AFTPH: variants seen among roughly 807,000 people sequenced by gnomAD.
AFTPH encodes aftiphilin protein.
A neutral mutation model predicts 72.5 loss-of-function variants in AFTPH; 7 were observed. The observed-to-expected ratio is 0.10, with a 90% CI of 0.05 to 0.18. AFTPH has a LOEUF of 0.18. AFTPH is among the 10% of genes least tolerant of loss of function. The probability of loss-of-function intolerance (pLI) is 1.00; values close to 1 mark genes in which losing one functional copy is unlikely to be tolerated. For synonymous variants in AFTPH, 337 were observed against 370.1 expected, an observed-to-expected ratio of 0.91 and a Z score of 1.03; for missense variants, 979 against 1,060.5, an observed-to-expected ratio of 0.92 and a Z score of 1.07.
At chr2:64,551,470 G>C (rs1671045042) in exon 2 of AFTPH, 1 of 1,608,690 alleles carries the variant, frequency 6.2e-7, no homozygotes, top group Non-Finnish European at 8.5e-7. Context: ...GAAAGCAACT[G>C]AACAATGGAG....
At chr2:64,526,168 T>TA (rs1316551083) in intron 1 of AFTPH, among the ~76,000 whole-genome samples, 3 of 152,238 alleles carry the variant, frequency 2.0e-5, no homozygotes, top group Non-Finnish European at 4.4e-5. Flanking sequence ...ATAGCCTTGA[T>TA]ACATCTTGCC....
At chr2:64,585,650 C>T (rs765801353) in intron 8 of AFTPH, 105 bp downstream of exon 9, 29 of 1,314,594 alleles carry the variant, frequency 2.2e-5, no homozygotes, top group Admixed American at 1.3e-4. Flanking sequence ...TATATCACAA[C>T]TTGCTTTATA....
At chr2:64,562,701 C>T (rs556750974) in intron 2 of AFTPH, among the ~76,000 whole-genome samples, 1 of 152,226 alleles carries the variant, frequency 6.6e-6, no homozygotes, top group East Asian at 1.9e-4. Flanking sequence ...ATAATGTCTG[C>T]CACATGGTGG....
At chr2:64,567,586 C>A (rs781040913) in exon 3 of AFTPH, 1 of 1,611,416 alleles carries the variant, frequency 6.2e-7, no homozygotes, top group South Asian at 1.1e-5. Context: ...CCGCCTGGAG[C>A]GAATTTTCGA....
chr2:64,568,965 T>C lies in AFTPH; in HGVS notation c.2088-127T>C, dbSNP rs186215383. The C allele has an allele frequency of 5.0e-6, 5 of 1,005,560 alleles. No individual in the cohort carries two copies. In the African/African-American group the frequency reaches 7.9e-5, roughly 16 times the overall value. The allele number at this position is 1,005,560 out of a possible 1,614,324, so 62.3% of individuals were successfully genotyped here. A position where few individuals can be genotyped will look rare whatever the true frequency, so the allele number is the denominator to read the frequency against. ...TTGGCTCTTGATTTCATTCAAATAG[T>C]TATACACTTACGTTGGACCCAAGAG... On this transcript the variant is annotated intron_variant, in intron 3 of 8. Transcript: ENST00000238856.
At chr2:64,546,526 A>G (rs560862031) in intron 1 of AFTPH, among the ~76,000 whole-genome samples, 1 of 152,352 alleles carries the variant, frequency 6.6e-6, no homozygotes, top group African/African-American at 2.4e-5. Flanking sequence ...CATTTATTCT[A>G]AAATACACAT....
At chr2:64,542,237 A>T (rs187807336) in intron 1 of AFTPH, among the ~76,000 whole-genome samples, 1 of 152,218 alleles carries the variant, frequency 6.6e-6, no homozygotes, top group African/African-American at 2.4e-5. Flanking sequence ...TTACTTAGAG[A>T]CACTCCACCC....
At chr2:64,526,284 C>G (rs1014207565) in intron 1 of AFTPH, among the ~76,000 whole-genome samples, 2 of 152,096 alleles carry the variant, frequency 1.3e-5, no homozygotes, top group Admixed American at 1.3e-4. Flanking sequence ...AAAACTAGTT[C>G]AGAAATGTAG....
At chr2:64,572,803 T>TA (rs147232569) in intron 5 of AFTPH, 143 bp from the exon 6 acceptor site, 27,670 of 964,878 alleles carry the variant, frequency 0.029, 71 homozygotes, top group African/African-American at 0.064. Flanking sequence ...CCTTGTCTCT[T>TA]AAAAAAAAAA....
chr2:64,586,829 A>G (rs1673547202), intron 8 of AFTPH, among the ~76,000 whole-genome samples: 1 of 151,938 alleles, frequency 6.6e-6, no homozygotes, highest in Admixed American at 6.6e-5. Context: ...TCAAATCGAA[A>G]CTCCTCTCAT....
At chr2:64,564,369 T>A (rs1001845230) in intron 2 of AFTPH, among the ~76,000 whole-genome samples, 1 of 152,166 alleles carries the variant, frequency 6.6e-6, no homozygotes, top group South Asian at 2.1e-4. Flanking sequence ...AGCTGCCACC[T>A]CTGACACCCT....
intron 1 of AFTPH, among the ~76,000 whole-genome samples, chr2:64,530,207 G>A (rs1383959916): frequency 6.6e-6 from 1 of 152,064 alleles, no homozygotes; most frequent in Non-Finnish European, 1.5e-5. Flanking sequence ...ATATAATAAT[G>A]CATATTTTCC....
rs143087790 is a variant in AFTPH at position 64,532,386 on chromosome 2, T to C, written c.-33+7774T>C. Among the ~76,000 whole-genome samples the C allele has an allele frequency of 2.6e-4, 39 of 152,264 alleles. No homozygotes were observed. In the East Asian group the frequency reaches 6.6e-3, roughly 26 times the overall value. The stretch of plus-strand genomic sequence containing the variant: ...AAGAAGAGGATTGGCATGATCAAAT[T>C]TGACTTTTAAAAAGATTACTTGGGT... On this transcript the variant is annotated intron_variant, in intron 1 of 8. Transcript: ENST00000238856.
chr2:64,547,832 G>GAGT, intron 1 of AFTPH, among the ~76,000 whole-genome samples: 1 of 152,030 alleles, frequency 6.6e-6, no homozygotes, highest in East Asian at 1.9e-4. Context: ...ACCCAGGCTG[G>GAGT]AGTAGTACAG....
chr2:64,533,575 A>T lies in AFTPH; in HGVS notation c.-33+8963A>T, dbSNP rs940487374. On this transcript the variant is annotated intron_variant, in intron 1 of 8. Coordinates refer to ENST00000238856, the Ensembl canonical transcript of AFTPH. The stretch of plus-strand genomic sequence containing the variant: ...AACATACACCTCAACTCAGAAATCA[A>T]TATCTTAATTAAGAGTGAATATTAG... Among the ~76,000 whole-genome samples, 20 of 152,164 alleles carry T rather than the reference A, an allele frequency of 1.3e-4. 1 individual carries two copies. The highest frequency in any genetic ancestry group is 4.1e-4 in the African/African-American group (17 of 41,422).
chr2:64,532,368 G>C (rs1353384010), intron 1 of AFTPH, among the ~76,000 whole-genome samples: 1 of 152,158 alleles, frequency 6.6e-6, no homozygotes, highest in Non-Finnish European at 1.5e-5. Flanking sequence ...CACAAGAAGA[G>C]GATTGGCATG....
intron 2 of AFTPH, among the ~76,000 whole-genome samples, chr2:64,561,593 C>T (rs1020230066): frequency 7.2e-5 from 11 of 152,154 alleles, no homozygotes; most frequent in Non-Finnish European, 1.5e-4. Flanking sequence ...GTGACAGGAT[C>T]ACTCGAGCCC....
intron 1 of AFTPH, among the ~76,000 whole-genome samples, chr2:64,530,283 T>G (rs1669553262): frequency 1.3e-5 from 2 of 152,220 alleles, no homozygotes; most frequent in African/African-American, 4.8e-5. Flanking sequence ...TTTTGTAGTT[T>G]TTTTTGTTTT....
At chr2:64,588,112 C>G (rs1401351289) in intron 8 of AFTPH, among the ~76,000 whole-genome samples, 1 of 152,144 alleles carries the variant, frequency 6.6e-6, no homozygotes, top group Non-Finnish European at 1.5e-5. Flanking sequence ...CACTCCTTAT[C>G]CCTCTCGTTC....
Sources: gnomAD v4.1 joint callset for allele counts (sites outside exome capture counted in the v4.1 genomes callset) on GRCh38, gnomAD v4.1.1 for gene constraint, MANE v1.5 for transcripts, NCBI Gene and HGNC (gene_info 2026-07-23, HGNC 2026-07-21) for gene names.